NCOR1: variants seen among roughly 807,000 people sequenced by gnomAD.
The protein encoded by NCOR1 is protein phosphatase 1, regulatory subunit 109.
NCOR1 carries 63 observed loss-of-function variants against 288.1 expected under a neutral mutation model. That is an observed-to-expected ratio of 0.22 (90% confidence interval 0.18 to 0.27). The LOEUF (loss-of-function observed/expected upper bound fraction) is 0.27, where lower values mean the gene tolerates loss of function less well. Ranked by LOEUF, NCOR1 falls within the 10% of genes least tolerant of loss-of-function variation. The pLI is 1.00. For synonymous variants in NCOR1, 1,007 were observed against 1,065.9 expected, an observed-to-expected ratio of 0.94 and a Z score of 1.08; for missense variants, 2,397 against 3,019.2, an observed-to-expected ratio of 0.79 and a Z score of 4.83.
chr17:16,058,747 G>T, intron 37 of NCOR1, 148 bp from the exon 38 acceptor site: 2 of 810,640 alleles, frequency 2.5e-6, no homozygotes. Context: ...AGTTTTATGG[G>T]CTTTAAGACA....
At chr17:16,041,603 C>T (rs898624229) in intron 42 of NCOR1, among the ~76,000 whole-genome samples, 5 of 151,374 alleles carry the variant, frequency 3.3e-5, no homozygotes, top group Non-Finnish European at 7.4e-5. Flanking sequence ...TTAGTAGAGA[C>T]GGAGTTTCAC....
At chr17:16,155,297 G>C in intron 6 of NCOR1, among the ~76,000 whole-genome samples, 1 of 147,854 alleles carries the variant, frequency 6.8e-6, no homozygotes, top group Admixed American at 6.9e-5. Flanking sequence ...GTTGCAGTGA[G>C]CCAAGATCGT....
chr17:16,052,168 A>G (rs904763068), intron 40 of NCOR1, among the ~76,000 whole-genome samples: 13 of 149,280 alleles, frequency 8.7e-5, no homozygotes, highest in Admixed American at 8.0e-4. Context: ...GCCGGCCACC[A>G]CGCCTGGCTA....
intron 25 of NCOR1, 83 bp from the exon 26 acceptor site, chr17:16,080,147 T>C (rs1383615734): frequency 2.7e-6 from 3 of 1,125,818 alleles, no homozygotes; most frequent in Admixed American, 4.3e-5. Flanking sequence ...CTTGGGAGAG[T>C]ACTCAACTAA....
intron 2 of NCOR1, among the ~76,000 whole-genome samples, chr17:16,187,249 T>C (rs2086854513): frequency 6.6e-6 from 1 of 151,346 alleles, no homozygotes; most frequent in Non-Finnish European, 1.5e-5. Context: ...TCTATTGTGC[T>C]AACTCAATCA....
At chr17:16,092,696 T>TATATATATATATA (rs1491299823) in intron 21 of NCOR1, among the ~76,000 whole-genome samples, 2 of 9,320 alleles carry the variant, frequency 2.1e-4, no homozygotes, top group African/African-American at 4.9e-4. Context: ...TATATATATA[T>TATATATATATATA]TTTTTTTTTT....
At chr17:16,057,367 T>A (rs941827046) in intron 40 of NCOR1, 147 bp downstream of exon 40, 2 of 722,808 alleles carry the variant, frequency 2.8e-6, no homozygotes, top group East Asian at 2.7e-5. Flanking sequence ...AAGAATAATA[T>A]GCAGGGGGAA....
intron 40 of NCOR1, among the ~76,000 whole-genome samples, chr17:16,056,218 C>T (rs1396710609): frequency 6.6e-6 from 1 of 151,888 alleles, no homozygotes; most frequent in Non-Finnish European, 1.5e-5. Flanking sequence ...GCTTCCATTA[C>T]TCTGGCTCAT....
At position 16,070,457 on chromosome 17, in the gene NCOR1, G is replaced by A. The variant is rs753508307; in HGVS notation, c.4221C>T (p.Ile1407=). The A allele has an allele frequency of 5.0e-6, 8 of 1,614,184 alleles. No individual in the cohort carries two copies. In the East Asian group the frequency reaches 1.8e-4, roughly 36 times the overall value. ...CACGGGATAGTTTGCTAGGCCCCGT[G>A]ATTAAGGATTTGACATTGTGTTTGA... The part of the protein sequence containing the change: ...SAIKHNVKSL[I]TGPSKLSRGM... Residue 1407 remains isoleucine, a synonymous_variant, in exon 31 of 46, where the codon ATC becomes ATT. Transcript: ENST00000268712.
chr17:16,120,936 C>T (rs2072881588), intron 16 of NCOR1, 116 bp downstream of exon 16: 1 of 939,976 alleles, frequency 1.1e-6, no homozygotes, highest in South Asian at 2.3e-5. Context: ...TTAAAGACCA[C>T]ACTTCAGGAT....
At chr17:16,036,776 ATGT>A (rs1173024888) in intron 44 of NCOR1, among the ~76,000 whole-genome samples, 23 of 152,204 alleles carry the variant, frequency 1.5e-4, no homozygotes, top group Admixed American at 1.5e-3. Context: ...GCTTAAGGGA[ATGT>A]TGTGGCTGGT....
At chr17:16,196,869 T>C (rs890704089) in intron 1 of NCOR1, among the ~76,000 whole-genome samples, 8 of 150,126 alleles carry the variant, frequency 5.3e-5, no homozygotes, top group Non-Finnish European at 8.9e-5. Context: ...AAAAAATAAT[T>C]AGTCAGGCAT....
intron 2 of NCOR1, among the ~76,000 whole-genome samples, chr17:16,190,398 G>A (rs2087909819): frequency 6.6e-6 from 1 of 151,526 alleles, no homozygotes; most frequent in African/African-American, 2.4e-5. Flanking sequence ...GCAGCGGCAC[G>A]ATCTAGGCTC....
rs80347554 is a variant in NCOR1, at chr17:16,080,120, T to C, written c.3401-56A>G. The C allele has an allele frequency of 8.4e-6, 12 of 1,430,752 alleles. No individual in the cohort carries two copies. The African/African-American group carries it at 1.6e-4, about 19-fold the overall frequency. The allele number at this position is 1,430,752 out of a possible 1,614,324, so 88.6% of individuals were successfully genotyped here. ...CACCCCCAGCCCCTGCCCCAAAACA[T>C]AAAAAAACAGCCCCTACTTGGGAGA... On this transcript the variant is annotated intron_variant, in intron 25 of 45. Coordinates refer to ENST00000268712, the MANE Select transcript of NCOR1 (RefSeq NM_006311.4).
chr17:16,145,461 C>G (rs1192958450), intron 10 of NCOR1, among the ~76,000 whole-genome samples: 1 of 129,114 alleles, frequency 7.7e-6, no homozygotes, highest in Non-Finnish European at 1.9e-5. Context: ...GGGAGTGCCT[C>G]GGCCCCACCG....
intron 1 of NCOR1, among the ~76,000 whole-genome samples, chr17:16,207,964 C>T (rs879137457): frequency 6.7e-6 from 1 of 149,540 alleles, no homozygotes; most frequent in African/African-American, 2.4e-5. Flanking sequence ...TAAAACTAGT[C>T]GATATTATTC....
At chr17:16,166,178 C>T (rs1226596846) in intron 4 of NCOR1, among the ~76,000 whole-genome samples, 3 of 152,098 alleles carry the variant, frequency 2.0e-5, no homozygotes, top group Non-Finnish European at 4.4e-5. Flanking sequence ...TGGCTATACC[C>T]TAAAACCTGT....
chr17:16,126,655 GAA>G (rs1370174401), intron 14 of NCOR1, among the ~76,000 whole-genome samples: 3 of 152,020 alleles, frequency 2.0e-5, no homozygotes, highest in African/African-American at 7.3e-5. Context: ...ACTTTTGAGC[GAA>G]AGTCTACTTA....
At chr17:16,099,178 C>T (rs2067168291) in intron 20 of NCOR1, among the ~76,000 whole-genome samples, 1 of 152,196 alleles carries the variant, frequency 6.6e-6, no homozygotes, top group South Asian at 2.1e-4. Flanking sequence ...GCACACACTC[C>T]TCTGCTCACC....
Sources: allele counts gnomAD v4.1 joint callset (sites outside exome capture counted in the v4.1 genomes callset), GRCh38; gene constraint gnomAD v4.1.1; transcripts MANE v1.5; gene names NCBI Gene and HGNC (gene_info 2026-07-23, HGNC 2026-07-21).